LAMA5: variants seen among roughly 807,000 people sequenced by gnomAD.
LAMA5 encodes laminin subunit alpha-5.
LAMA5 carries 260 observed loss-of-function variants against 433.4 expected under a neutral mutation model. The ratio of observed to expected loss-of-function variants is 0.60; its 90% CI spans 0.54 to 0.66. The LOEUF is 0.66. Ranked by LOEUF, LAMA5 falls within the 30% of genes least tolerant of loss-of-function variation. LAMA5 has a pLI of 0.00. For missense variants in LAMA5, 5,378 were observed against 5,258.5 expected (o/e 1.02, Z -0.70); for synonymous variants, 2,620 against 2,226.6 (o/e 1.18, Z -4.97).
In LAMA5 at chr20:62,346,734, C is replaced by T; in HGVS notation, c.1139G>A (p.Ser380Asn). ...CTGATAGGTGCCATCCAGGCTCTGG[C>T]TGGCGCGGCGCCGGTCCACCTCAGG... ...YDPEVDRRRA[S>N]QSLDGTYQGG... Residue 380 changes from serine (S) to asparagine (N), a missense_variant, in exon 8 of 80, where the codon AGC becomes AAC. By Grantham distance (46) the Ser-to-Asn change is conservative. Coordinates refer to ENST00000252999, the MANE Select transcript of LAMA5 (RefSeq NM_005560.6). The T allele has an allele frequency of 6.2e-7, 1 of 1,613,216 alleles. No individual in the cohort carries two copies. Among genetic ancestry groups the T allele is most frequent in the Non-Finnish European group, 8.5e-7 (1 of 1,179,910 alleles).
In LAMA5 at chr20:62,311,658, G is replaced by A. The variant is rs554992064; in HGVS notation, c.9762C>T (p.Thr3254=). ...TGATGCAGCCACTGAAGTTGTAAATGGTGCCAGACTCAGGCAGGCCTCCCA... is the reference window on the plus strand; with the variant it reads ...TGATGCAGCCACTGAAGTTGTAAATAGTGCCAGACTCAGGCAGGCCTCCCA... The part of the protein sequence containing the change: ...LLLGGLPESG[T]IYNFSGCISN... The change falls in exon 71 of 80, where the codon ACC becomes ACT. Residue 3254 remains threonine (T), a synonymous_variant. Transcript: ENST00000252999. 6 of 1,599,412 alleles carry A rather than the reference G, an allele frequency of 3.8e-6. No homozygotes were observed. In the East Asian group the frequency reaches 1.4e-4, roughly 36 times the overall value.
At chr20:62,357,416 G>A (rs1273167709) in intron 2 of LAMA5, among the ~76,000 whole-genome samples, 2 of 152,210 alleles carry the variant, frequency 1.3e-5, no homozygotes, top group Admixed American at 6.5e-5. Context: ...AGAGTCCTGG[G>A]CCAGCCCAGC....
Position 62,310,416 on chromosome 20 carries a change from G to A in LAMA5, c.10600+3C>T. 1 of 1,600,514 alleles carries A rather than the reference G, an allele frequency of 6.2e-7. No homozygotes were observed. Among genetic ancestry groups the A allele is most frequent in the Non-Finnish European group, 8.5e-7 (1 of 1,174,986 alleles). On this transcript the variant is annotated splice_donor_region_variant and intron_variant, in intron 76 of 79. Coordinates refer to ENST00000252999, the MANE Select transcript of LAMA5 (RefSeq NM_005560.6). ...GAGGCCTGGGATGCCAGCACCCACA[G>A]ACCTAAAGTGATAACTCCCCCGCTG...
chr20:62,338,679 T>C lies in LAMA5; in HGVS notation c.1478-71A>G. ...CCCAGTACGCCCCTCCTGGCAAACC[T>C]TCCCTCTCCACAAACTCATTTTCTT... On this transcript the variant is annotated intron_variant, in intron 11 of 79. Transcript: ENST00000252999. The C allele has an allele frequency of 2.8e-6, 4 of 1,424,094 alleles. No individual in the cohort carries two copies. The South Asian group carries it at 3.9e-5, about 14-fold the overall frequency. The allele number at this position is 1,424,094 out of a possible 1,614,324, so 88.2% of individuals were successfully genotyped here. A position where few individuals can be genotyped will look rare whatever the true frequency, so the allele number is the denominator to read the frequency against.
intron 3 of LAMA5, chr20:62,352,864 GC>G: frequency 2.3e-6 from 1 of 438,194 alleles, no homozygotes; most frequent in South Asian, 3.3e-5. Context: ...CACGGGAGCT[GC>G]CGGTGCATGA....
rs957434154 is a variant in LAMA5, at chr20:62,324,795, C to T, written c.5530-241G>A. 15 of 530,092 alleles carry T rather than the reference C, an allele frequency of 2.8e-5. No individual in the cohort carries two copies. The highest frequency in any genetic ancestry group is 8.3e-5 in the South Asian group (4 of 47,940). 32.8% of individuals were successfully genotyped at this position (530,092 alleles called of 1,614,324 possible). The stretch of plus-strand genomic sequence containing the variant: ...TCAAAGCCACACGGATGTCCTGTCT[C>T]GGGAATGACCAGGCCTTGGGGCTGG... On this transcript the variant is annotated intron_variant, in intron 41 of 79. Coordinates refer to ENST00000252999, the MANE Select transcript of LAMA5 (RefSeq NM_005560.6). This position sits in a 1 kb window ranked among gnomAD's most constrained non-coding sequence, Gnocchi z 4.4.
At chr20:62,365,610 G>A (rs1986633286) in intron 1 of LAMA5, among the ~76,000 whole-genome samples, 1 of 152,210 alleles carries the variant, frequency 6.6e-6, no homozygotes, top group Non-Finnish European at 1.5e-5. Context: ...AGGTGTGGCA[G>A]CAGGTAAGGA....
Position 62,323,494 on chromosome 20 carries a change from C to T in LAMA5, c.6026G>A (p.Gly2009Asp). 1 of 1,555,274 alleles carries T rather than the reference C, an allele frequency of 6.4e-7. No individual in the cohort carries two copies. Among genetic ancestry groups the T allele is most frequent in the South Asian group, 1.2e-5 (1 of 84,712 alleles). Reference sequence around the variant, plus strand: ...GGGCAGCAGGGCGTTGCCGTAGAAGCCGGGGGCACAGATCTCGCAGCGGGG... The same window carrying T: ...GGGCAGCAGGGCGTTGCCGTAGAAGTCGGGGGCACAGATCTCGCAGCGGGG... The part of the protein sequence containing the change: ...TGPRCEICAP[G>D]FYGNALLPGN... The change falls in exon 45 of 80, where the codon GGC (glycine) becomes GAC (aspartate). Residue 2009 changes from glycine (G) to aspartate (D), a missense_variant. Coordinates refer to ENST00000252999, the MANE Select transcript of LAMA5 (RefSeq NM_005560.6).
At chr20:62,358,556 G>A (rs533697426) in intron 2 of LAMA5, among the ~76,000 whole-genome samples, 16 of 152,284 alleles carry the variant, frequency 1.1e-4, no homozygotes, top group Admixed American at 6.5e-4. Context: ...GGCCCAAGCC[G>A]GCCAGCCAGA....
Position 62,322,357 on chromosome 20 carries a change from TCCGCTCTGGGGGTGGCACTCGGAG to T in LAMA5, c.6234_6257del (p.Ser2079_Gly2086del). On this transcript the variant is annotated inframe_deletion, in exon 47 of 80. Transcript: ENST00000252999. Reference sequence around the variant, plus strand: ...TGGTCCCTGGTCGGCAGTGGCACTGTCCGCTCTGGGGGTGGCACTCGGAGCCCTCGGCGGCCGGTCCACAAGCAC... The same window carrying T: ...TGGTCCCTGGTCGGCAGTGGCACTGTCCCTCGGCGGCCGGTCCACAAGCAC... 1 of 1,593,992 alleles carries T rather than the reference TCCGCTCTGGGGGTGGCACTCGGAG, an allele frequency of 6.3e-7. No individual in the cohort carries two copies.
Position 62,313,768 on chromosome 20 carries a change from C to G in LAMA5, c.8539G>C (p.Glu2847Gln). Residue 2847 changes from glutamate (E) to glutamine (Q), a missense_variant, in exon 63 of 80, where the codon GAG (glutamate) becomes CAG (glutamine). Glu to Gln is a conservative substitution (Grantham distance 29, BLOSUM62 2). Coordinates refer to ENST00000252999, the MANE Select transcript of LAMA5 (RefSeq NM_005560.6). ...TTGGTTTCCTGGATCATCTGTCTCT[C>G]CACTGTGACGGACATGTGGCCAAAC... Reference protein sequence around the residue: ...LQFGHMSVTVERQMIQETKGD... With the variant: ...LQFGHMSVTVQRQMIQETKGD... The G allele has an allele frequency of 3.7e-6, 6 of 1,612,950 alleles. No individual in the cohort carries two copies. The highest frequency in any genetic ancestry group is 5.1e-6 in the Non-Finnish European group (6 of 1,179,992).
intron 62 of LAMA5, 46 bp downstream of exon 62, chr20:62,314,258 G>C: frequency 1.3e-6 from 2 of 1,593,584 alleles, no homozygotes; most frequent in Non-Finnish European, 1.7e-6. Context: ...GAACGGGCAA[G>C]GGCCCTGCAG....
At chr20:62,327,788 C>T (rs781282635) in intron 36 of LAMA5, 78 bp downstream of exon 36, 39 of 1,569,558 alleles carry the variant, frequency 2.5e-5, no homozygotes, top group Non-Finnish European at 3.2e-5. Context: ...GCCCCAGCTG[C>T]CCCGAAAGGC....
In LAMA5 at chr20:62,315,752, C is replaced by T. The variant is rs2236522; in HGVS notation, c.7867+196G>A. On this transcript the variant is annotated intron_variant, in intron 58 of 79. Coordinates refer to ENST00000252999, the MANE Select transcript of LAMA5 (RefSeq NM_005560.6). ...AAGCACTTCCAAGCTTGCCAGGCTC[C>T]CGACGGCTGGGGCTGTCTGTGCTAT... is the stretch of plus-strand genomic sequence containing the variant. Among the ~76,000 whole-genome samples the T allele has an allele frequency of 0.15, 22,231 of 152,272 alleles. 1,876 individuals are homozygous for T. The highest frequency in any genetic ancestry group is 0.2 in the East Asian group (1,041 of 5,176).
rs1462598120 is a variant in LAMA5, at chr20:62,359,948, G to A, written c.450+2452C>T. On this transcript the variant is annotated intron_variant, in intron 2 of 79. Transcript: ENST00000252999. The surrounding 1 kb of genome is among the most constrained non-coding windows in gnomAD (Gnocchi z 4.3). ...CCCAGTGCCAGCCGCCCCCACCCCC[G>A]TCCCAGGGCATCCGCTCCAGATCCC... Among the ~76,000 whole-genome samples, 7 of 62,392 alleles carry A rather than the reference G, an allele frequency of 1.1e-4. No individual in the cohort carries two copies. The highest frequency in any genetic ancestry group is 2.5e-4 in the African/African-American group (4 of 15,860). The allele number at this position is 62,392 out of a possible 152,430, so 40.9% of individuals were successfully genotyped here.
At chr20:62,339,172 CAA>C (rs892878619) in intron 11 of LAMA5, among the ~76,000 whole-genome samples, 6 of 149,570 alleles carry the variant, frequency 4.0e-5, no homozygotes, top group African/African-American at 7.4e-5. Flanking sequence ...AGCATTAACA[CAA>C]AGAGAAAATA....
At chr20:62,316,448 G>A (rs947849417) in intron 57 of LAMA5, 2 of 520,152 alleles carry the variant, frequency 3.8e-6, no homozygotes, top group South Asian at 3.1e-5. Context: ...TGCCTCAGTG[G>A]CAGCCAGTGC....
At chr20:62,341,292 A>G (rs765591213) in intron 11 of LAMA5, among the ~76,000 whole-genome samples, 1 of 151,962 alleles carries the variant, frequency 6.6e-6, no homozygotes, top group Non-Finnish European at 1.5e-5. Context: ...TAGACTATTT[A>G]AAAAAAACAC....
Position 62,317,471 on chromosome 20 carries a change from T to C in LAMA5, c.7385A>G (p.Asp2462Gly), listed in dbSNP as rs1987076805. The C allele has an allele frequency of 5.1e-6, 8 of 1,560,024 alleles. No individual in the cohort carries two copies. The highest frequency in any genetic ancestry group is 7.0e-6 in the Non-Finnish European group (8 of 1,149,996). ...EELERLAASLDGARTPLLQRM... is the reference protein window; with the variant it reads ...EELERLAASLGGARTPLLQRM... ...CTGCAGCAGTGGGGTCCGAGCCCCA[T>C]CCAGGCTGGCGGCGAGGCGCTCCAG... Residue 2462 changes from aspartate (D) to glycine (G), a missense_variant, in exon 55 of 80, where the codon GAT (aspartate) becomes GGT (glycine). Physicochemically the swap from Asp to Gly is moderately conservative, Grantham distance 94. Transcript: ENST00000252999.
Sources: allele counts gnomAD v4.1 joint callset (sites outside exome capture counted in the v4.1 genomes callset), GRCh38; gene constraint gnomAD v4.1.1; non-coding constraint Gnocchi (gnomAD v3.1); transcripts MANE v1.5; gene names NCBI Gene and HGNC (gene_info 2026-07-23, HGNC 2026-07-21).